PCNX2: variants seen among roughly 807,000 people sequenced by gnomAD.
PCNX2 encodes the protein pecanex 2, also known as pecanex-like protein 2.
In PCNX2, 168 loss-of-function variants were observed where a neutral mutation model predicts 223.8. That is an observed-to-expected ratio of 0.75 (90% CI 0.66 to 0.85). PCNX2 has a LOEUF of 0.85. PCNX2 is among the 40% of genes least tolerant of loss of function. The pLI is 0.00. For missense variants in PCNX2, 2,507 were observed against 2,675.5 expected (o/e 0.94, Z 1.39); for synonymous variants, 1,006 against 1,052.6 (o/e 0.96, Z 0.86).
chr1:233,187,634 T>C (rs1388059917), intron 15 of PCNX2, among the ~76,000 whole-genome samples: 1 of 152,170 alleles, frequency 6.6e-6, no homozygotes, highest in Admixed American at 6.5e-5. Context: ...TCCTGTTTTT[T>C]CCCCAAATCA....
At chr1:233,066,399 G>C (rs1359706672) in intron 23 of PCNX2, among the ~76,000 whole-genome samples, 1 of 152,192 alleles carries the variant, frequency 6.6e-6, no homozygotes, top group Non-Finnish European at 1.5e-5. Context: ...ACACCCCCTT[G>C]GGGCTTTTTC....
chr1:233,320,883 T>C, the PCNX2 span, among the ~76,000 whole-genome samples: 2 of 152,218 alleles, frequency 1.3e-5, no homozygotes, highest in African/African-American at 2.4e-5. Context: ...GAGCTCATAT[T>C]AGCAGCTAAA....
chr1:233,160,963 C>T (rs928584384), intron 18 of PCNX2, among the ~76,000 whole-genome samples: 1 of 152,122 alleles, frequency 6.6e-6, no homozygotes, highest in African/African-American at 2.4e-5. Context: ...TGTTAGCCCA[C>T]CATATGACTA....
the PCNX2 span, among the ~76,000 whole-genome samples, chr1:233,307,244 G>A: frequency 6.6e-6 from 1 of 152,170 alleles, no homozygotes; most frequent in Non-Finnish European, 1.5e-5. Context: ...GATCCCCAAC[G>A]GTGGAGGTGG....
intron 1 of PCNX2, among the ~76,000 whole-genome samples, chr1:233,269,136 C>T (rs2103007843): frequency 6.6e-6 from 1 of 152,352 alleles, no homozygotes; most frequent in Middle Eastern, 3.4e-3. Context: ...TTATGTTTGA[C>T]TCTTTTGTCT....
chr1:233,296,467 T>G (rs1446449620), upstream of PCNX2, among the ~76,000 whole-genome samples: 1 of 152,190 alleles, frequency 6.6e-6, no homozygotes, highest in Non-Finnish European at 1.5e-5. Context: ...AATCTCTCTA[T>G]GCTGTTTAGA....
intron 1 of PCNX2, among the ~76,000 whole-genome samples, chr1:233,290,058 G>C (rs1661672174): frequency 6.6e-6 from 1 of 151,812 alleles, no homozygotes; most frequent in African/African-American, 2.4e-5. Context: ...AGGAAGGAAG[G>C]GTGGTCAAAG....
chr1:233,202,190 A>T (rs1336120868), intron 13 of PCNX2: 2 of 466,484 alleles, frequency 4.3e-6, no homozygotes, highest in Admixed American at 4.8e-5. Context: ...AATTGCTGAA[A>T]TTATTTTGTC....
chr1:233,017,374 G>A (rs1349509855), intron 26 of PCNX2, among the ~76,000 whole-genome samples: 1 of 138,248 alleles, frequency 7.2e-6, no homozygotes, highest in East Asian at 2.2e-4. Flanking sequence ...CTGGAGTGCA[G>A]CGGTGCGATC....
At chr1:233,116,465 A>G (rs1675415100) in intron 21 of PCNX2, among the ~76,000 whole-genome samples, 2 of 152,214 alleles carry the variant, frequency 1.3e-5, no homozygotes, top group Admixed American at 6.5e-5. Context: ...TACTCTGACC[A>G]TAAAGAAATC....
At chr1:233,221,862 T>C (rs701177) in intron 10 of PCNX2, among the ~76,000 whole-genome samples, 101,162 of 152,056 alleles carry the variant, frequency 0.67, 33,885 homozygotes, top group East Asian at 0.79. Flanking sequence ...GCAGAATCCA[T>C]GGCAGAAATT....
intron 21 of PCNX2, among the ~76,000 whole-genome samples, chr1:233,123,599 T>G (rs1198013622): frequency 6.6e-6 from 1 of 151,794 alleles, no homozygotes; most frequent in African/African-American, 2.4e-5. Context: ...AAAAAAAATC[T>G]TCTTGTAATA....
At chr1:233,061,012 C>T (rs927087939) in intron 23 of PCNX2, among the ~76,000 whole-genome samples, 1 of 152,192 alleles carries the variant, frequency 6.6e-6, no homozygotes, top group Non-Finnish European at 1.5e-5. Context: ...TTCATCTGAA[C>T]AACTTAAATA....
At chr1:233,084,336 T>A (rs1161079474) in intron 23 of PCNX2, among the ~76,000 whole-genome samples, 2 of 152,146 alleles carry the variant, frequency 1.3e-5, no homozygotes, top group Non-Finnish European at 2.9e-5. Context: ...AGTTGATACT[T>A]TTGCAGACCA....
At chr1:233,251,198 A>AT (rs1388724207) in intron 7 of PCNX2, among the ~76,000 whole-genome samples, 2 of 152,170 alleles carry the variant, frequency 1.3e-5, no homozygotes, top group Admixed American at 1.3e-4. Flanking sequence ...ATATAACCAG[A>AT]TTTTTTGGTA....
chr1:233,186,370 T>A (rs1277635175), intron 15 of PCNX2, among the ~76,000 whole-genome samples: 1 of 152,068 alleles, frequency 6.6e-6, no homozygotes, highest in Non-Finnish European at 1.5e-5. Context: ...GCTGGGCCCA[T>A]AAAGTTCCCG....
intron 1 of PCNX2, among the ~76,000 whole-genome samples, chr1:233,273,405 C>G (rs1660747625): frequency 2.6e-5 from 4 of 151,982 alleles, no homozygotes; most frequent in African/African-American, 4.8e-5. Flanking sequence ...TGTGCAAGCT[C>G]CATGCCCACC....
At chr1:232,985,971 T>G (rs1220127828) in intron 33 of PCNX2, 121 bp downstream of exon 33, 1 of 1,108,364 alleles carries the variant, frequency 9.0e-7, no homozygotes, top group Non-Finnish European at 1.3e-6. Flanking sequence ...GGGAGCCCCA[T>G]AGAGAAGGGG....
At chr1:233,030,822 T>C (rs574261944) in intron 25 of PCNX2, among the ~76,000 whole-genome samples, 87 of 152,354 alleles carry the variant, frequency 5.7e-4, no homozygotes, top group Non-Finnish European at 1.0e-3. Flanking sequence ...TACCATTCTC[T>C]GTCAGGCTAT....
Sources: allele counts gnomAD v4.1 joint callset (sites outside exome capture counted in the v4.1 genomes callset), GRCh38; gene constraint gnomAD v4.1.1; transcripts MANE v1.5; gene names NCBI Gene and HGNC (gene_info 2026-07-23, HGNC 2026-07-21).